ME1: variants seen among roughly 807,000 people sequenced by gnomAD.
The protein encoded by ME1 is NADP-dependent malic enzyme.
ME1 carries 74 observed loss-of-function variants against 66.4 expected under a neutral mutation model. The observed-to-expected ratio is 1.11, with a 90% confidence interval of 0.92 to 1.35. The LOEUF is 1.35. ME1 is among the 40% of genes most tolerant of loss of function. ME1 has a pLI of 0.00. For missense variants in ME1, 750 were observed against 694.1 expected, an observed-to-expected ratio of 1.08 and a Z score of -0.90; for synonymous variants, 251 against 235.6, an observed-to-expected ratio of 1.07 and a Z score of -0.60.
At chr6:83,232,152 G>A (rs535535549) in intron 9 of ME1, among the ~76,000 whole-genome samples, 1 of 152,238 alleles carries the variant, frequency 6.6e-6, no homozygotes, top group South Asian at 2.1e-4. Flanking sequence ...ACAGGGACTA[G>A]AAAAACTCTT....
intron 13 of ME1, among the ~76,000 whole-genome samples, chr6:83,212,561 T>C (rs1292550375): frequency 6.6e-6 from 1 of 152,226 alleles, no homozygotes; most frequent in Non-Finnish European, 1.5e-5. Context: ...ACAGTCAGGA[T>C]GAGCACTCTT....
intron 1 of ME1, among the ~76,000 whole-genome samples, chr6:83,426,896 A>G (rs1323140872): frequency 6.6e-6 from 1 of 152,236 alleles, no homozygotes; most frequent in Non-Finnish European, 1.5e-5. Flanking sequence ...TAGAACTATC[A>G]ATTAGTGTTT....
At chr6:83,237,056 G>A (rs1299010994) in intron 9 of ME1, among the ~76,000 whole-genome samples, 3 of 150,346 alleles carry the variant, frequency 2.0e-5, no homozygotes, top group African/African-American at 4.9e-5. Flanking sequence ...TTAATTAGCC[G>A]GATATGGCGG....
At chr6:83,224,700 AAAAT>A (rs1443296038) in intron 11 of ME1, among the ~76,000 whole-genome samples, 41 of 118,746 alleles carry the variant, frequency 3.5e-4, no homozygotes, top group African/African-American at 1.0e-3. Context: ...AAAAAAAATA[AAAAT>A]AATAATAATA....
At chr6:83,290,054 T>C (rs2128534658) in intron 6 of ME1, among the ~76,000 whole-genome samples, 1 of 151,922 alleles carries the variant, frequency 6.6e-6, no homozygotes, top group Non-Finnish European at 1.5e-5. Flanking sequence ...AGAGGGCTAT[T>C]TTGTTGATCT....
intron 11 of ME1, among the ~76,000 whole-genome samples, chr6:83,225,808 T>TTATATATATATATA (rs57577563): frequency 4.0e-4 from 55 of 138,042 alleles, no homozygotes; most frequent in Non-Finnish European, 6.5e-4. Context: ...GCCTGTAACA[T>TTATATATATATATA]TATATATATA....
At chr6:83,373,142 T>G (rs1262775061) in intron 3 of ME1, among the ~76,000 whole-genome samples, 1 of 152,254 alleles carries the variant, frequency 6.6e-6, no homozygotes, top group Non-Finnish European at 1.5e-5. Flanking sequence ...AACCCTCATA[T>G]TAATTTATTT....
intron 3 of ME1, among the ~76,000 whole-genome samples, chr6:83,391,127 A>AT (rs1183373573): frequency 6.6e-6 from 1 of 152,014 alleles, no homozygotes; most frequent in Non-Finnish European, 1.5e-5. Context: ...CCCAAATGAG[A>AT]TTTTTTTACA....
At chr6:83,278,114 C>T (rs1767222480) in intron 6 of ME1, among the ~76,000 whole-genome samples, 1 of 152,044 alleles carries the variant, frequency 6.6e-6, no homozygotes, top group South Asian at 2.1e-4. Flanking sequence ...CTCAATCCAT[C>T]ATGATGCATT....
chr6:83,232,135 C>T (rs1790319978), intron 9 of ME1, among the ~76,000 whole-genome samples: 1 of 152,140 alleles, frequency 6.6e-6, no homozygotes, highest in South Asian at 2.1e-4. Flanking sequence ...TTTATTCCTT[C>T]CTACATACAG....
intron 1 of ME1, among the ~76,000 whole-genome samples, chr6:83,410,874 A>G (rs1022985696): frequency 4.2e-4 from 64 of 152,194 alleles, no homozygotes; most frequent in African/African-American, 1.4e-3. Flanking sequence ...ACGATTCTCC[A>G]TATCTTATGC....
At chr6:83,329,332 A>G (rs191954544) in intron 5 of ME1, among the ~76,000 whole-genome samples, 1 of 152,298 alleles carries the variant, frequency 6.6e-6, no homozygotes, top group East Asian at 1.9e-4. Flanking sequence ...ATTTGGGATG[A>G]TAGCATAGAG....
chr6:83,365,602 G>A (rs983811094), intron 3 of ME1, among the ~76,000 whole-genome samples: 9 of 152,228 alleles, frequency 5.9e-5, no homozygotes, highest in Non-Finnish European at 1.2e-4. Context: ...GCATGTGCCT[G>A]TAAGCCCAGC....
intron 9 of ME1, among the ~76,000 whole-genome samples, chr6:83,229,996 A>AT (rs973504285): frequency 1.3e-4 from 20 of 148,280 alleles, no homozygotes; most frequent in East Asian, 7.9e-4. Flanking sequence ...CTAATTTATC[A>AT]TTTTTTTTTA....
chr6:83,232,590 G>A (rs1423344809), intron 9 of ME1, among the ~76,000 whole-genome samples: 1 of 152,094 alleles, frequency 6.6e-6, no homozygotes, highest in East Asian at 1.9e-4. Context: ...AAAAAAGAGG[G>A]AGAAAACAAT....
At chr6:83,300,810 A>G (rs909425657) in intron 6 of ME1, among the ~76,000 whole-genome samples, 4 of 152,076 alleles carry the variant, frequency 2.6e-5, no homozygotes, top group African/African-American at 2.4e-5. Flanking sequence ...ATGTCCATCA[A>G]TGGTAGACTG....
At chr6:83,325,731 G>T (rs1203837956) in intron 5 of ME1, among the ~76,000 whole-genome samples, 2 of 151,594 alleles carry the variant, frequency 1.3e-5, no homozygotes, top group East Asian at 1.9e-4. Context: ...CAAACAAATG[G>T]AAAAACCTTC....
At position 83,315,274 on chromosome 6, in the gene ME1, T is replaced by C. The variant is rs1395956293; in HGVS notation, c.704+36A>G. 4 of 1,252,802 alleles carry C rather than the reference T, an allele frequency of 3.2e-6. No homozygotes were observed. The Admixed American group carries it at 7.5e-5, about 23-fold the overall frequency. 77.6% of individuals were successfully genotyped at this position (1,252,802 alleles called of 1,614,324 possible). The stretch of plus-strand genomic sequence containing the variant: ...TTTTAATAGTCTGTTATGTTATTGT[T>C]ACTGACTAAAATATAGGTTAAATAA... On this transcript the variant is annotated intron_variant, in intron 6 of 13. Coordinates refer to ENST00000369705, the MANE Select transcript of ME1 (RefSeq NM_002395.6).
At chr6:83,359,165 G>GGAGC in intron 3 of ME1, among the ~76,000 whole-genome samples, 1 of 151,988 alleles carries the variant, frequency 6.6e-6, no homozygotes, top group African/African-American at 2.4e-5. Context: ...AGACAGGGTG[G>GGAGC]TCGGGCAGAG....
Sources: gnomAD v4.1 joint callset for allele counts (sites outside exome capture counted in the v4.1 genomes callset) on GRCh38, gnomAD v4.1.1 for gene constraint, MANE v1.5 for transcripts, NCBI Gene and HGNC (gene_info 2026-07-23, HGNC 2026-07-21) for gene names.